Variants in GLB1 observed in about 807,000 individuals in gnomAD.
GLB1 encodes the protein galactosidase beta 1, also known as beta-galactosidase.
In GLB1, 56 loss-of-function variants were observed where a neutral mutation model predicts 74.0. The observed-to-expected ratio is 0.76, with a 90% CI of 0.61 to 0.94. The LOEUF (loss-of-function observed/expected upper bound fraction) is 0.94. Among genes scored for constraint, GLB1 ranks in the 40% least tolerant of loss-of-function variants. The pLI, the probability that GLB1 is intolerant of heterozygous loss-of-function variation, is 0.00. For missense variants in GLB1, 787 were observed against 845.5 expected, an observed-to-expected ratio of 0.93 and a Z score of 0.86; for synonymous variants, 323 against 323.6, an observed-to-expected ratio of 1.00 and a Z score of 0.02.
intron 1 of GLB1, among the ~76,000 whole-genome samples, chr3:33,076,828 G>C (rs572423012): frequency 6.6e-6 from 1 of 152,314 alleles, no homozygotes; most frequent in South Asian, 2.1e-4. Flanking sequence ...GATAAATACA[G>C]AGAAAGAGTC....
the GLB1 span, among the ~76,000 whole-genome samples, chr3:32,990,594 T>C: frequency 6.6e-6 from 1 of 152,204 alleles, no homozygotes. Context: ...GACTCCTCAC[T>C]GGGCACTTCT....
At chr3:33,047,184 A>G (rs545433266) in intron 9 of GLB1, among the ~76,000 whole-genome samples, 3 of 152,314 alleles carry the variant, frequency 2.0e-5, no homozygotes, top group South Asian at 2.1e-4. Flanking sequence ...CTTGACCTAC[A>G]ACAAAGACCA....
chr3:33,034,655 A>C, intron 10 of GLB1: 1 of 731,050 alleles, frequency 1.4e-6, no homozygotes, highest in Non-Finnish European at 2.6e-6. Flanking sequence ...GGGCAGGTCC[A>C]TCACAGCCAA....
At chr3:33,012,351 T>C (rs1697062928) in intron 15 of GLB1, among the ~76,000 whole-genome samples, 3 of 152,144 alleles carry the variant, frequency 2.0e-5, no homozygotes, top group Admixed American at 2.0e-4. Context: ...TGTGATGGGT[T>C]AGGAGGTGGG....
At chr3:33,021,478 CT>C in intron 12 of GLB1, 87 bp downstream of exon 12, 1 of 1,446,556 alleles carries the variant, frequency 6.9e-7, no homozygotes, top group Non-Finnish European at 9.5e-7. Context: ...ATTTTGGCCC[CT>C]GAATTCAGAA....
At chr3:32,974,489 TTATC>T in the GLB1 span, among the ~76,000 whole-genome samples, 26 of 152,336 alleles carry the variant, frequency 1.7e-4, no homozygotes, top group African/African-American at 5.5e-4. Context: ...TGTGTCTCTA[TTATC>T]TATCTATATC....
At chr3:33,022,410 C>T (rs1047797893) in intron 11 of GLB1, among the ~76,000 whole-genome samples, 1 of 151,946 alleles carries the variant, frequency 6.6e-6, no homozygotes, top group African/African-American at 2.4e-5. Context: ...TGCACTAGCT[C>T]ATTGAATACT....
chr3:33,000,713 C>T (rs564610399), intron 15 of GLB1, among the ~76,000 whole-genome samples: 1 of 152,126 alleles, frequency 6.6e-6, no homozygotes, highest in East Asian at 1.9e-4. Flanking sequence ...GGTGATAGAG[C>T]AAGACTCAGT....
intron 15 of GLB1, among the ~76,000 whole-genome samples, chr3:33,010,679 A>C (rs1424916133): frequency 1.3e-5 from 2 of 152,188 alleles, no homozygotes; most frequent in Admixed American, 1.3e-4. Context: ...TTTAAGGATA[A>C]TGCCTTAGGT....
intron 15 of GLB1, among the ~76,000 whole-genome samples, chr3:33,002,539 C>A (rs778461358): frequency 2.3e-4 from 35 of 152,002 alleles, no homozygotes; most frequent in Non-Finnish European, 4.9e-4. Context: ...GAGGTATGCA[C>A]GTGTTGTTGT....
chr3:33,076,854 C>T (rs1215848055), intron 1 of GLB1, among the ~76,000 whole-genome samples: 1 of 152,110 alleles, frequency 6.6e-6, no homozygotes, highest in African/African-American at 2.4e-5. Context: ...GTTTACTTCC[C>T]CTTCACATAA....
At chr3:33,026,105 G>A (rs1697741342) in intron 10 of GLB1, among the ~76,000 whole-genome samples, 1 of 121,206 alleles carries the variant, frequency 8.3e-6, no homozygotes, top group Non-Finnish European at 2.0e-5. Context: ...CCAAGCAGGA[G>A]CTGGGCGTGG....
chr3:32,981,090 CAAAAAAAAAAAAA>C, the GLB1 span, among the ~76,000 whole-genome samples: 43 of 46,304 alleles, frequency 9.3e-4, no homozygotes, highest in African/African-American at 3.2e-3. Context: ...GACTCCGTCT[CAAAAAAAAAAAAA>C]AAAAAAAAAA....
chr3:32,970,153 G>A, the GLB1 span, among the ~76,000 whole-genome samples: 2 of 152,158 alleles, frequency 1.3e-5, no homozygotes, highest in African/African-American at 4.8e-5. Context: ...AATAGTTCAG[G>A]ACTTAACTTG....
At chr3:33,062,568 T>C (rs1338185488) in intron 5 of GLB1, among the ~76,000 whole-genome samples, 1 of 152,164 alleles carries the variant, frequency 6.6e-6, no homozygotes, top group Non-Finnish European at 1.5e-5. Context: ...GGTGGGCGGA[T>C]CATGAGGTCA....
intron 7 of GLB1, 89 bp from the exon 8 acceptor site, chr3:33,052,093 G>A (rs189576630): frequency 9.4e-6 from 15 of 1,597,046 alleles, no homozygotes; most frequent in East Asian, 6.7e-5. Flanking sequence ...TATGACAGGT[G>A]TAAAGGGGGT....
chr3:32,980,136 C>G, the GLB1 span, among the ~76,000 whole-genome samples: 1 of 152,202 alleles, frequency 6.6e-6, no homozygotes, highest in Non-Finnish European at 1.5e-5. Context: ...AGTCAACCTA[C>G]TGTGCAATAA....
At chr3:33,095,176 A>T (rs1048333563) in intron 1 of GLB1, among the ~76,000 whole-genome samples, 3 of 132,476 alleles carry the variant, frequency 2.3e-5, no homozygotes, top group African/African-American at 8.7e-5. Flanking sequence ...GTGCCACTGC[A>T]CTCCAGCCTG....
chr3:33,004,016 T>A (rs1192474340), intron 15 of GLB1, among the ~76,000 whole-genome samples: 2 of 151,238 alleles, frequency 1.3e-5, no homozygotes, highest in African/African-American at 4.9e-5. Flanking sequence ...GGCAACAGAG[T>A]GAGACTCCAT....
Sources: gnomAD v4.1 joint callset for allele counts (sites outside exome capture counted in the v4.1 genomes callset) on GRCh38, gnomAD v4.1.1 for gene constraint, MANE v1.5 for transcripts, NCBI Gene and HGNC (gene_info 2026-07-23, HGNC 2026-07-21) for gene names.